Variants in PSD3 observed in about 807,000 individuals in gnomAD.
PSD3 encodes the protein pleckstrin and Sec7 domain containing 3.
Under a neutral mutation model 105.5 loss-of-function variants are expected in PSD3, and 49 were observed. The ratio of observed to expected loss-of-function variants is 0.46; its 90% CI spans 0.37 to 0.59. The LOEUF (loss-of-function observed/expected upper bound fraction) is 0.59. PSD3 is among the 20% of genes least tolerant of loss of function. The probability of loss-of-function intolerance (pLI) is 0.00; values close to 1 mark genes in which losing one functional copy is unlikely to be tolerated. For synonymous variants in PSD3, 557 were observed against 457.8 expected (o/e 1.22, Z -2.77); for missense variants, 1,561 against 1,263.8 (o/e 1.24, Z -3.57).
At chr8:18,972,414 C>T (rs1046970969) in intron 1 of PSD3, among the ~76,000 whole-genome samples, 1 of 152,200 alleles carries the variant, frequency 6.6e-6, no homozygotes, top group Non-Finnish European at 1.5e-5. Context: ...CAGCAGTTAT[C>T]ACAGGGTCAG....
At chr8:18,830,323 A>G (rs925547453) in intron 4 of PSD3, among the ~76,000 whole-genome samples, 1 of 152,208 alleles carries the variant, frequency 6.6e-6, no homozygotes, top group African/African-American at 2.4e-5. Flanking sequence ...TAAAGCCTTT[A>G]GGTCCTACAA....
chr8:18,648,340 T>C (rs1201950931), intron 10 of PSD3, among the ~76,000 whole-genome samples: 1 of 152,176 alleles, frequency 6.6e-6, no homozygotes, highest in Non-Finnish European at 1.5e-5. Context: ...GAGGAACTTA[T>C]TGGGAACTAA....
chr8:18,677,070 G>A (rs1010595199), intron 9 of PSD3, among the ~76,000 whole-genome samples: 1 of 152,190 alleles, frequency 6.6e-6, no homozygotes, highest in African/African-American at 2.4e-5. Context: ...CACTCTATCA[G>A]GAGCATAGTG....
chr8:18,857,836 G>A (rs1816138055), intron 4 of PSD3, among the ~76,000 whole-genome samples: 1 of 152,190 alleles, frequency 6.6e-6, no homozygotes, highest in South Asian at 2.1e-4. Context: ...AGTTCAGTGT[G>A]TGTGATTTTT....
intron 2 of PSD3, among the ~76,000 whole-genome samples, chr8:18,929,405 A>G (rs1197986883): frequency 6.6e-6 from 1 of 152,166 alleles, no homozygotes; most frequent in East Asian, 1.9e-4. Flanking sequence ...AATGGGAAGC[A>G]GAACATATGT....
chr8:19,000,605 A>C lies in PSD3; in HGVS notation c.21+12958T>G, dbSNP rs554035680. 3.9e-5 allele frequency: 6 copies of C among 151,938 alleles called. No homozygotes were observed. The South Asian group carries it at 1.3e-3, about 32-fold the overall frequency. 9.4% of individuals were successfully genotyped at this position (151,938 alleles called of 1,614,324 possible). ...TTTTATGTCCTAGATTGCCATTTGC[A>C]AGAGAGCTATTAATGAAAGTCACAC... On this transcript the variant is annotated intron_variant, in intron 1 of 15. Coordinates refer to ENST00000327040, the MANE Select transcript of PSD3 (RefSeq NM_015310.4).
chr8:18,801,253 G>A lies in PSD3; in HGVS notation c.2023+17C>T. 1.4e-6 allele frequency: 2 copies of A among 1,427,596 alleles called. No individual in the cohort carries two copies. The highest frequency in any genetic ancestry group is 1.9e-6 in the Non-Finnish European group (2 of 1,032,098). The allele number at this position is 1,427,596 out of a possible 1,614,324, so 88.4% of individuals were successfully genotyped here. On this transcript the variant is annotated intron_variant, in intron 7 of 15. Transcript: ENST00000327040. ...CATTGATATAAAAAAGAAATTCAAG[G>A]ATTTGTATCAGATTACCTTGTGAAG...
intron 9 of PSD3, among the ~76,000 whole-genome samples, chr8:18,716,931 C>A (rs1446425697): frequency 6.6e-6 from 1 of 152,160 alleles, no homozygotes; most frequent in Non-Finnish European, 1.5e-5. Context: ...AGAGGAGTAG[C>A]CAAAGGTAGC....
chr8:18,898,665 T>C (rs940760706), intron 2 of PSD3, among the ~76,000 whole-genome samples: 2 of 152,216 alleles, frequency 1.3e-5, no homozygotes, highest in Non-Finnish European at 2.9e-5. Context: ...GTTGTATGTA[T>C]TATATACTTT....
intron 1 of PSD3, among the ~76,000 whole-genome samples, chr8:18,993,534 G>C (rs73204557): frequency 0.065 from 9,851 of 152,076 alleles, 522 homozygotes; most frequent in Middle Eastern, 0.13. Context: ...TTGGCAGATA[G>C]TAACCTCTCA....
chr8:18,592,010 A>G (rs1443054599), intron 12 of PSD3, among the ~76,000 whole-genome samples: 2 of 152,180 alleles, frequency 1.3e-5, no homozygotes, highest in Non-Finnish European at 1.5e-5. Flanking sequence ...GCAGATCCCA[A>G]TACAGCTACA....
chr8:18,707,097 A>G (rs372719429), intron 9 of PSD3, among the ~76,000 whole-genome samples: 25 of 152,014 alleles, frequency 1.6e-4, no homozygotes, highest in African/African-American at 6.0e-4. Flanking sequence ...TTCAGCTGCC[A>G]CTCCACACAT....
chr8:18,952,589 T>C (rs1823309010), intron 1 of PSD3, among the ~76,000 whole-genome samples: 1 of 152,228 alleles, frequency 6.6e-6, no homozygotes. Context: ...ACAAATCATC[T>C]TGTGAACAAG....
At chr8:18,916,970 T>C (rs1043699248) in intron 2 of PSD3, among the ~76,000 whole-genome samples, 3 of 152,130 alleles carry the variant, frequency 2.0e-5, no homozygotes, top group Admixed American at 6.6e-5. Context: ...CCAGACCTGA[T>C]ACCCACCAGC....
In PSD3 at chr8:18,825,735, C is replaced by T. The variant is rs546224241; in HGVS notation, c.1635-20837G>A. 2.6e-5 allele frequency among the ~76,000 whole-genome samples: 4 copies of T among 152,288 alleles called. No individual in the cohort carries two copies. In the South Asian group the frequency reaches 8.3e-4, roughly 32 times the overall value. On this transcript the variant is annotated intron_variant, in intron 4 of 15. Transcript: ENST00000327040. ...ACAACCTGTGAAAATCTGATCTCTT[C>T]CCTAACCTCCACACGCAACTCATTG...
intron 12 of PSD3, among the ~76,000 whole-genome samples, chr8:18,591,439 G>A (rs1039033359): frequency 6.6e-6 from 1 of 152,154 alleles, no homozygotes; most frequent in Admixed American, 6.5e-5. Flanking sequence ...TGATGCAATT[G>A]GGAGAAAAGG....
chr8:18,650,154 C>G (rs73587601), intron 10 of PSD3, among the ~76,000 whole-genome samples: 2,080 of 152,302 alleles, frequency 0.014, 44 homozygotes, highest in African/African-American at 0.048. Context: ...ATAGACAATA[C>G]TGAACTTATT....
At chr8:18,748,137 T>C (rs1206229228) in intron 9 of PSD3, among the ~76,000 whole-genome samples, 1 of 152,002 alleles carries the variant, frequency 6.6e-6, no homozygotes, top group Admixed American at 6.5e-5. Context: ...ACCAGCTGGC[T>C]GCACTGGTTT....
chr8:18,953,784 C>T lies in PSD3; in HGVS notation c.22-17642G>A, dbSNP rs1171700639. Among the ~76,000 whole-genome samples, 4 of 151,654 alleles carry T rather than the reference C, an allele frequency of 2.6e-5. No homozygotes were observed. The East Asian group carries it at 5.8e-4, about 22-fold the overall frequency. On this transcript the variant is annotated intron_variant, in intron 1 of 15. Transcript: ENST00000327040. ...AAAAGAAAAGAAATGGCTAAATAAA[C>T]GATAGGATGGAATACAGTGGAGCAA...
Sources: allele counts gnomAD v4.1 joint callset (sites outside exome capture counted in the v4.1 genomes callset), GRCh38; gene constraint gnomAD v4.1.1; transcripts MANE v1.5; gene names NCBI Gene and HGNC (gene_info 2026-07-23, HGNC 2026-07-21).